RASAL2: variants seen among roughly 807,000 people sequenced by gnomAD.
RASAL2 encodes ras GTPase-activating protein nGAP.
A neutral mutation model predicts 128.9 loss-of-function variants in RASAL2; 58 were observed. The ratio of observed to expected loss-of-function variants is 0.45; its 90% CI spans 0.36 to 0.56. The LOEUF is 0.56. RASAL2 is among the 20% of genes least tolerant of loss of function. The pLI is 0.00. For synonymous variants in RASAL2, 561 were observed against 580.8 expected, an observed-to-expected ratio of 0.97 and a Z score of 0.49; for missense variants, 1,360 against 1,601.6, an observed-to-expected ratio of 0.85 and a Z score of 2.57.
chr1:178,113,590 C>T (rs1370724576), intron 1 of RASAL2, among the ~76,000 whole-genome samples: 1 of 144,480 alleles, frequency 6.9e-6, no homozygotes, highest in Non-Finnish European at 1.5e-5. Context: ...GCTGTATTGC[C>T]CAGGCTGGTC....
chr1:178,436,025 T>C (rs1676233577), intron 5 of RASAL2, among the ~76,000 whole-genome samples: 1 of 152,116 alleles, frequency 6.6e-6, no homozygotes, highest in African/African-American at 2.4e-5. Flanking sequence ...AACTCTGTAG[T>C]TAGTAGATCT....
At chr1:178,343,852 A>G (rs927721869) in intron 3 of RASAL2, among the ~76,000 whole-genome samples, 19 of 151,938 alleles carry the variant, frequency 1.3e-4, no homozygotes, top group Admixed American at 4.6e-4. Flanking sequence ...TTTTATTTTT[A>G]AACAAGTTTT....
In RASAL2 at chr1:178,420,545, A is replaced by C; in HGVS notation, c.599A>C (p.Lys200Thr). 1 of 1,613,196 alleles carries C rather than the reference A, an allele frequency of 6.2e-7. No homozygotes were observed. Among genetic ancestry groups the C allele is most frequent in the Non-Finnish European group, 8.5e-7 (1 of 1,179,446 alleles). ...AGCAAGCGCCTGAAAGGCTCCATCA[A>C]GAGGACCAAAAGCCAGTCAAAGCTT... ...FFSKRLKGSI[K>T]RTKSQSKLDR... Residue 200 changes from lysine to threonine, a missense_variant, in exon 5 of 18, where the codon AAG becomes ACG. This residue lies in a region of RASAL2 where 617 missense variants were observed against 714.2 expected (regional missense o/e 0.86). Coordinates refer to ENST00000367649, the MANE Select transcript of RASAL2 (RefSeq NM_170692.4).
At position 178,456,865 on chromosome 1, in the gene RASAL2, G is replaced by T; in HGVS notation, c.2356G>T (p.Gly786Trp). 6.2e-7 allele frequency: 1 copy of T among 1,614,074 alleles called. No individual in the cohort carries two copies. Among genetic ancestry groups the T allele is most frequent in the Non-Finnish European group, 8.5e-7 (1 of 1,180,030 alleles). ...AAATGTCAGTGGAAGCCTCTCCTCT[G>T]GGCTGCAGAAAATATTTGAAGACCC... ...SPNVSGSLSS[G>W]LQKIFEDPTD... The change falls in exon 13 of 18, where the codon GGG becomes TGG. Residue 786 changes from glycine to tryptophan, a missense_variant. Physicochemically the swap from Gly to Trp is radical, Grantham distance 184. Coordinates refer to ENST00000367649, the MANE Select transcript of RASAL2 (RefSeq NM_170692.4).
chr1:178,165,392 T>C (rs545905881), intron 1 of RASAL2, among the ~76,000 whole-genome samples: 2 of 152,322 alleles, frequency 1.3e-5, no homozygotes, highest in East Asian at 1.9e-4. Flanking sequence ...ATGTAACTAT[T>C]GTGTAACATT....
chr1:178,104,702 A>G (rs1417965545), intron 1 of RASAL2, among the ~76,000 whole-genome samples: 2 of 152,210 alleles, frequency 1.3e-5, no homozygotes, highest in African/African-American at 4.8e-5. Context: ...TAAATTTTAT[A>G]TAATACCTTA....
At chr1:178,386,588 C>G (rs1160204948) in intron 3 of RASAL2, among the ~76,000 whole-genome samples, 2 of 152,076 alleles carry the variant, frequency 1.3e-5, no homozygotes, top group Non-Finnish European at 2.9e-5. Context: ...AAAACTTAAC[C>G]AGGCTTTTTA....
chr1:178,236,037 C>G (rs1664218675), intron 1 of RASAL2, among the ~76,000 whole-genome samples: 1 of 152,016 alleles, frequency 6.6e-6, no homozygotes. Context: ...TGTTATCCTA[C>G]TTTCTCCTGC....
chr1:178,321,560 A>G (rs932558663), intron 3 of RASAL2, among the ~76,000 whole-genome samples: 1 of 151,758 alleles, frequency 6.6e-6, no homozygotes. Flanking sequence ...GCTAGAGTGC[A>G]GTGGCGCATG....
chr1:178,228,621 G>A (rs1663878403), intron 1 of RASAL2, among the ~76,000 whole-genome samples: 2 of 152,148 alleles, frequency 1.3e-5, no homozygotes, highest in Non-Finnish European at 2.9e-5. Context: ...AAACAATTGT[G>A]TTGATGGTTT....
In RASAL2 at chr1:178,475,658, A is replaced by C. The variant is rs1225967437; in HGVS notation, c.*2419A>C. The C allele has an allele frequency of 3.9e-5, 6 of 152,208 alleles. No homozygotes were observed. Among genetic ancestry groups the C allele is most frequent in the African/African-American group, 1.2e-4 (5 of 41,458 alleles). 9.4% of individuals were successfully genotyped at this position (152,208 alleles called of 1,614,324 possible). ...TATATTGGGAATTGAGAGAAGCCCC[A>C]AAAAATCAAATGTGCTTTTGATGGA... On this transcript the variant is annotated 3_prime_UTR_variant, in exon 18 of 18. Transcript: ENST00000367649.
chr1:178,109,293 G>T (rs940033210), intron 1 of RASAL2, among the ~76,000 whole-genome samples: 22 of 151,966 alleles, frequency 1.4e-4, no homozygotes, highest in East Asian at 1.9e-4. Context: ...CCTAGATGAG[G>T]GTCTTACTGT....
At chr1:178,344,824 C>A (rs1003457009) in intron 3 of RASAL2, among the ~76,000 whole-genome samples, 6 of 152,092 alleles carry the variant, frequency 3.9e-5, no homozygotes, top group African/African-American at 1.2e-4. Flanking sequence ...TCCTAGTGGA[C>A]AATGATTCAA....
At chr1:178,382,758 A>G (rs1276115256) in intron 3 of RASAL2, among the ~76,000 whole-genome samples, 1 of 152,210 alleles carries the variant, frequency 6.6e-6, no homozygotes, top group Non-Finnish European at 1.5e-5. Flanking sequence ...TGCAAAAGCC[A>G]CAATTACTTT....
At chr1:178,192,241 G>T (rs1365169673) in intron 1 of RASAL2, among the ~76,000 whole-genome samples, 1 of 151,888 alleles carries the variant, frequency 6.6e-6, no homozygotes, top group African/African-American at 2.4e-5. Flanking sequence ...GTTAATATTT[G>T]GTATCTTGTT....
chr1:178,408,275 A>G (rs1674116552), intron 4 of RASAL2, among the ~76,000 whole-genome samples: 1 of 152,152 alleles, frequency 6.6e-6, no homozygotes, highest in Non-Finnish European at 1.5e-5. Context: ...CAGTTTATTT[A>G]CATTCTTTCT....
chr1:178,389,785 T>C (rs1176179137), intron 3 of RASAL2, among the ~76,000 whole-genome samples: 1 of 152,220 alleles, frequency 6.6e-6, no homozygotes, highest in Non-Finnish European at 1.5e-5. Flanking sequence ...TGTAGAGAAG[T>C]AGATTTATAT....
intron 1 of RASAL2, among the ~76,000 whole-genome samples, chr1:178,122,588 G>A (rs535350655): frequency 2.0e-5 from 3 of 152,162 alleles, no homozygotes; most frequent in Non-Finnish European, 4.4e-5. Flanking sequence ...AATAAATGAA[G>A]ACTGATTCAT....
At chr1:178,442,278 ACT>A (rs1226858161) in intron 7 of RASAL2, among the ~76,000 whole-genome samples, 2 of 152,104 alleles carry the variant, frequency 1.3e-5, no homozygotes, top group Non-Finnish European at 2.9e-5. Flanking sequence ...GGATAAAAGG[ACT>A]CTGAAAAGTT....
Sources: gnomAD v4.1 joint callset for allele counts (sites outside exome capture counted in the v4.1 genomes callset) on GRCh38, gnomAD v4.1.1 for gene constraint, gnomAD v4.1.1 regional missense constraint, MANE v1.5 for transcripts, NCBI Gene and HGNC (gene_info 2026-07-23, HGNC 2026-07-21) for gene names.